LRGUK: variants seen among roughly 807,000 people sequenced by gnomAD.
LRGUK encodes the protein leucine-rich repeat and guanylate kinase domain-containing protein.
A neutral mutation model predicts 76.0 loss-of-function variants in LRGUK; 65 were observed. That is an observed-to-expected ratio of 0.85 (90% CI 0.70 to 1.05). The LOEUF is 1.05. LRGUK is among the 50% of genes least tolerant of loss of function. LRGUK has a pLI of 0.00. For missense variants in LRGUK, 758 were observed against 732.8 expected, an observed-to-expected ratio of 1.03 and a Z score of -0.40; for synonymous variants, 268 against 265.6, an observed-to-expected ratio of 1.01 and a Z score of -0.09.
chr7:134,213,821 A>G (rs1801359534), downstream of LRGUK, among the ~76,000 whole-genome samples: 1 of 152,220 alleles, frequency 6.6e-6, no homozygotes, highest in South Asian at 2.1e-4. Flanking sequence ...GTATAAGGGA[A>G]ACCTCTGATT....
chr7:134,145,030 A>C (rs7777247), intron 4 of LRGUK, among the ~76,000 whole-genome samples: 19,681 of 151,670 alleles, frequency 0.13, 1,612 homozygotes, highest in East Asian at 0.32. Context: ...CCTTCCTTGC[A>C]CTCTCCCAGA....
At chr7:134,273,409 G>C in the LRGUK span, among the ~76,000 whole-genome samples, 1 of 152,108 alleles carries the variant, frequency 6.6e-6, no homozygotes, top group Admixed American at 6.6e-5. Flanking sequence ...TCAACCTTGT[G>C]TGCATAACAG....
chr7:134,258,203 T>G, intron 18 of LRGUK, 54 bp from the exon 19 acceptor site: 1 of 1,607,800 alleles, frequency 6.2e-7, no homozygotes, highest in Non-Finnish European at 8.5e-7. Context: ...CGTGTGGCCA[T>G]TAGTAGCGAA....
intron 16 of LRGUK, among the ~76,000 whole-genome samples, chr7:134,225,147 A>C (rs1210289562): frequency 3.3e-5 from 5 of 149,980 alleles, no homozygotes; most frequent in Admixed American, 3.3e-4. Context: ...AAAAAAAAAA[A>C]AACCCACTCT....
intron 7 of LRGUK, among the ~76,000 whole-genome samples, chr7:134,168,912 G>A (rs1438677602): frequency 6.6e-6 from 1 of 152,100 alleles, no homozygotes; most frequent in African/African-American, 2.4e-5. Context: ...GCAAGCCCTG[G>A]CCATGGAGCC....
At chr7:134,207,236 A>G (rs1801046363) in intron 15 of LRGUK, among the ~76,000 whole-genome samples, 1 of 152,202 alleles carries the variant, frequency 6.6e-6, no homozygotes. Flanking sequence ...TACATTTACA[A>G]TGTTGTATAA....
chr7:134,128,712 G>C (rs1797142585), intron 1 of LRGUK, among the ~76,000 whole-genome samples: 1 of 152,118 alleles, frequency 6.6e-6, no homozygotes, highest in Non-Finnish European at 1.5e-5. Flanking sequence ...ACCATGCCCA[G>C]CTAATTTTTT....
intron 16 of LRGUK, among the ~76,000 whole-genome samples, chr7:134,225,806 C>A (rs1563191566): frequency 1.3e-5 from 2 of 152,110 alleles, no homozygotes; most frequent in East Asian, 3.9e-4. Context: ...TATAATGCTG[C>A]AAAACAAGCA....
In LRGUK at chr7:134,221,910, A is replaced by G; in HGVS notation, c.1975A>G (p.Thr659Ala). The G allele has an allele frequency of 2.5e-6, 4 of 1,594,942 alleles. No homozygotes were observed. The South Asian group carries it at 3.4e-5, about 14-fold the overall frequency. The change falls in exon 16 of 20, where the codon ACA becomes GCA. Residue 659 changes from threonine to alanine, a missense_variant. Thr to Ala is a moderately conservative substitution (Grantham distance 58). Coordinates refer to the LRGUK transcript ENST00000285928. ...TTGGGCCAAACTTTCAGCCAAAAAA[A>G]CACCAGCGGTAAGAGAGGAATAGAA...
chr7:134,219,764 G>T (rs956930473), intron 15 of LRGUK, among the ~76,000 whole-genome samples: 3 of 151,966 alleles, frequency 2.0e-5, no homozygotes, highest in Non-Finnish European at 4.4e-5. Flanking sequence ...CTGTGATGAA[G>T]TTATATTAAG....
intron 11 of LRGUK, among the ~76,000 whole-genome samples, chr7:134,190,811 T>C (rs936724985): frequency 1.2e-5 from 1 of 80,730 alleles, no homozygotes; most frequent in Non-Finnish European, 3.0e-5. Flanking sequence ...TAAGACATGG[T>C]CCTCCCCTTT....
In LRGUK at chr7:134,234,842, T is replaced by G. The variant is rs146048363; in HGVS notation, c.1984-12714T>G. On this transcript the variant is annotated intron_variant, in intron 16 of 19. Coordinates refer to the LRGUK transcript ENST00000285928. The stretch of plus-strand genomic sequence containing the variant: ...CTCACTTCTTCCAAAACTGAAATAC[T>G]GATTGTTGCCCTAAATCTTACTCTT... Among the ~76,000 whole-genome samples, 6 of 152,232 alleles carry G rather than the reference T, an allele frequency of 3.9e-5. No homozygotes were observed. In the East Asian group the frequency reaches 1.2e-3, roughly 29 times the overall value.
At chr7:134,147,934 C>T (rs896552596) in intron 4 of LRGUK, among the ~76,000 whole-genome samples, 2 of 151,706 alleles carry the variant, frequency 1.3e-5, no homozygotes, top group Non-Finnish European at 2.9e-5. Flanking sequence ...CGGTGGTGGG[C>T]ACCTATAATC....
chr7:134,134,334 G>C (rs1044244470), intron 1 of LRGUK, among the ~76,000 whole-genome samples: 12 of 152,334 alleles, frequency 7.9e-5, no homozygotes, highest in Middle Eastern at 3.4e-3. Flanking sequence ...AAAGTAAGCT[G>C]TCTGGAGCTG....
At chr7:134,179,700 G>T (rs1563165204) in intron 10 of LRGUK, among the ~76,000 whole-genome samples, 2 of 152,184 alleles carry the variant, frequency 1.3e-5, no homozygotes, top group African/African-American at 2.4e-5. Context: ...AAGGAAATTT[G>T]CAGCAGTGTT....
intron 6 of LRGUK, among the ~76,000 whole-genome samples, chr7:134,159,392 G>T (rs1343668555): frequency 6.7e-6 from 1 of 148,730 alleles, no homozygotes; most frequent in African/African-American, 2.5e-5. Context: ...GCTGATTTTT[G>T]ACATATACAA....
intron 15 of LRGUK, among the ~76,000 whole-genome samples, 165 bp downstream of exon 15, chr7:134,201,741 C>T (rs572742121): frequency 2.0e-5 from 3 of 152,256 alleles, no homozygotes; most frequent in African/African-American, 7.2e-5. Flanking sequence ...CATGAGTCAG[C>T]TTTCTGGACC....
intron 15 of LRGUK, among the ~76,000 whole-genome samples, chr7:134,220,534 C>A (rs908851424): frequency 2.0e-5 from 3 of 151,894 alleles, no homozygotes; most frequent in Non-Finnish European, 1.5e-5. Context: ...CCAGATACCC[C>A]TTTTCCAACT....
chr7:134,186,849 T>C (rs1281509054), intron 11 of LRGUK, among the ~76,000 whole-genome samples: 1 of 152,172 alleles, frequency 6.6e-6, no homozygotes. Context: ...AGCTTCATGC[T>C]CCTGTACTGT....
Sources: allele counts gnomAD v4.1 joint callset (sites outside exome capture counted in the v4.1 genomes callset), GRCh38; gene constraint gnomAD v4.1.1; transcripts MANE v1.5; gene names NCBI Gene and HGNC (gene_info 2026-07-23, HGNC 2026-07-21).